CAPN15: variants seen among roughly 807,000 people sequenced by gnomAD.
CAPN15 encodes the protein calpain 15, also known as calpain-15.
CAPN15 carries 53 observed loss-of-function variants against 97.9 expected under a neutral mutation model. That is an observed-to-expected ratio of 0.54 (90% CI 0.43 to 0.68). CAPN15 has a LOEUF of 0.68. Among genes scored for constraint, CAPN15 ranks in the 30% least tolerant of loss-of-function variants. The pLI, the probability that CAPN15 is intolerant of heterozygous loss-of-function variation, is 0.00. For synonymous variants in CAPN15, 922 were observed against 722.5 expected (o/e 1.28, Z -4.43); for missense variants, 1,592 against 1,589.8 (o/e 1.00, Z -0.02).
Position 527,867 on chromosome 16 carries a change from G to C in CAPN15, c.-352G>C. On this transcript the variant is annotated 5_prime_UTR_variant, in exon 1 of 14. Coordinates refer to ENST00000219611, the MANE Select transcript of CAPN15 (RefSeq NM_005632.3). ...AGCCGGGTCGGGGCGCCCCGCGGCT[G>C]AGGAGCGGGAGGCCGTCCGGGCAGC... 6.8e-6 allele frequency: 1 copy of C among 146,844 alleles called. No homozygotes were observed. Among genetic ancestry groups the C allele is most frequent in the Non-Finnish European group, 1.5e-5 (1 of 65,912 alleles). The allele number at this position is 146,844 out of a possible 1,614,324, so 9.1% of individuals were successfully genotyped here.
intron 1 of CAPN15, among the ~76,000 whole-genome samples, chr16:531,271 T>G (rs1725810624): frequency 6.6e-6 from 1 of 152,172 alleles, no homozygotes; most frequent in African/African-American, 2.4e-5. Flanking sequence ...CAATCATAGC[T>G]CGCTGCAGCC....
intron 1 of CAPN15, 71 bp from the exon 2 acceptor site, chr16:533,875 G>A: frequency 1.3e-6 from 1 of 767,864 alleles, no homozygotes; most frequent in Non-Finnish European, 1.6e-6. Flanking sequence ...CTGGAGGCGG[G>A]GCTCTGTGTT....
rs1383928205 is a variant in CAPN15 at position 533,999 on chromosome 16, G to A, written c.-137+1G>A. 1 of 985,218 alleles carries A rather than the reference G, an allele frequency of 1.0e-6. No individual in the cohort carries two copies. The highest frequency in any genetic ancestry group is 1.2e-6 in the Non-Finnish European group (1 of 829,838). 61.0% of individuals were successfully genotyped at this position (985,218 alleles called of 1,614,324 possible). A position where few individuals can be genotyped will look rare whatever the true frequency, so the allele number is the denominator to read the frequency against. ...GCCTGGGAGCTTGCTGCAGCTTCAG[G>A]TGAGTTTGTTCCCAAGCCCTGCGGC... On this transcript the variant is annotated splice_donor_variant, in intron 2 of 13. Transcript: ENST00000219611. LOFTEE classifies it low-confidence loss of function (5UTR_SPLICE).
chr16:527,742 G>T lies in CAPN15; in HGVS notation c.-477G>T, dbSNP rs1156637053. Reference sequence around the variant, plus strand: ...CCGGGCGCGCGATTCACAGCGCCGCGTGCGCCCCGGGCGCGCCGTAGCCGC... The same window carrying T: ...CCGGGCGCGCGATTCACAGCGCCGCTTGCGCCCCGGGCGCGCCGTAGCCGC... On this transcript the variant is annotated 5_prime_UTR_variant, in exon 1 of 14. Transcript: ENST00000219611. 1.3e-5 allele frequency: 2 copies of T among 150,570 alleles called. No individual in the cohort carries two copies. The highest frequency in any genetic ancestry group is 1.5e-5 in the Non-Finnish European group (1 of 67,424). 9.3% of individuals were successfully genotyped at this position (150,570 alleles called of 1,614,324 possible).
At chr16:534,081 G>A (rs1397015338) in intron 2 of CAPN15, 83 bp downstream of exon 2, 21 of 668,956 alleles carry the variant, frequency 3.1e-5, no homozygotes, top group Middle Eastern at 7.4e-4. Flanking sequence ...GGGTTGGAGT[G>A]CCCACGGCTG....
At chr16:544,278 G>A (rs1326025243) in intron 3 of CAPN15, among the ~76,000 whole-genome samples, 2 of 152,028 alleles carry the variant, frequency 1.3e-5, no homozygotes, top group Non-Finnish European at 2.9e-5. Context: ...TGGCACCCCG[G>A]TGTGCCCCGA....
intron 3 of CAPN15, among the ~76,000 whole-genome samples, chr16:543,818 G>A (rs749688702): frequency 7.2e-5 from 11 of 152,140 alleles, no homozygotes; most frequent in East Asian, 5.8e-4. Context: ...CAGCCCTGGC[G>A]TTTACTGAAG....
At chr16:550,248 C>T (rs562195428) in intron 7 of CAPN15, among the ~76,000 whole-genome samples, 42 of 152,342 alleles carry the variant, frequency 2.8e-4, no homozygotes, top group South Asian at 6.2e-4. Flanking sequence ...CGGAGTGCCC[C>T]GGTGCGAGCA....
chr16:552,165 G>A lies in CAPN15; in HGVS notation c.2460G>A (p.Val820=). The A allele has an allele frequency of 1.9e-6, 3 of 1,543,260 alleles. No homozygotes were observed. The highest frequency in any genetic ancestry group is 2.6e-6 in the Non-Finnish European group (3 of 1,143,354). Residue 820 remains valine (V), a synonymous_variant, in exon 10 of 14, where the codon GTG becomes GTA. Coordinates refer to ENST00000219611, the MANE Select transcript of CAPN15 (RefSeq NM_005632.3). This position sits in a 1 kb window ranked among gnomAD's most constrained non-coding sequence, Gnocchi z 6.4. ...SAPVGVTALT[V]LERASLEFAL... The stretch of plus-strand genomic sequence containing the variant: ...CCGTGGGGGTAACAGCGCTCACGGT[G>A]CTGGAGCGGGCCTCGCTGGAGTTCG...
chr16:530,300 C>T (rs995995961), intron 1 of CAPN15, among the ~76,000 whole-genome samples: 6 of 152,228 alleles, frequency 3.9e-5, no homozygotes, highest in South Asian at 4.1e-4. Flanking sequence ...TCTTGGTAGG[C>T]CTAGTGTCTA....
chr16:533,949 G>C lies in CAPN15; in HGVS notation c.-186G>C, dbSNP rs921422040. On this transcript the variant is annotated 5_prime_UTR_variant, in exon 2 of 14. Transcript: ENST00000219611. ...GATTAAATGCCTCCCTTTCTAGGCA[G>C]CAGCCCAGACGCGGCACAGAGAGGG... 4 of 985,448 alleles carry C rather than the reference G, an allele frequency of 4.1e-6. No individual in the cohort carries two copies. In the African/African-American group the frequency reaches 5.2e-5, roughly 13 times the overall value. 61.0% of individuals were successfully genotyped at this position (985,448 alleles called of 1,614,324 possible).
rs1258412884 is a variant in CAPN15 at position 552,433 on chromosome 16, C to T, written c.2640C>T (p.Val880=). The part of the protein sequence containing the change: ...AHSKRAVKKF[V]SCDVMLEPGE... Reference sequence around the variant, plus strand: ...GTAAGCGCGCGGTCAAGAAGTTCGTCAGCTGCGACGTCATGCTGGAGCCTG... The same window carrying T: ...GTAAGCGCGCGGTCAAGAAGTTCGTTAGCTGCGACGTCATGCTGGAGCCTG... The change falls in exon 11 of 14, where the codon GTC becomes GTT. Residue 880 remains valine, a synonymous_variant. Coordinates refer to ENST00000219611, the MANE Select transcript of CAPN15 (RefSeq NM_005632.3). This position sits in a 1 kb window ranked among gnomAD's most constrained non-coding sequence, Gnocchi z 6.4. The T allele has an allele frequency of 5.0e-6, 8 of 1,610,184 alleles. No homozygotes were observed. Among genetic ancestry groups the T allele is most frequent in the Admixed American group, 1.7e-5 (1 of 59,980 alleles).
intron 7 of CAPN15, 142 bp from the exon 8 acceptor site, chr16:551,160 G>T: frequency 4.6e-6 from 6 of 1,305,386 alleles, no homozygotes; most frequent in Non-Finnish European, 6.0e-6. Flanking sequence ...AGGGCGCCCC[G>T]TCGGTGAGGG....
At position 552,857 on chromosome 16, in the gene CAPN15, G is replaced by T. The variant is rs1175273803; in HGVS notation, c.2905-6G>T. The T allele has an allele frequency of 1.3e-6, 2 of 1,594,378 alleles. No homozygotes were observed. Among genetic ancestry groups the T allele is most frequent in the Non-Finnish European group, 8.6e-7 (1 of 1,168,674 alleles). ...CCTGCCCCACAACTGCCATTCCTGT[G>T]CCCAGGGCCGTGAGGGCATGACCTG... On this transcript the variant is annotated splice_polypyrimidine_tract_variant and splice_region_variant and intron_variant, in intron 12 of 13. Coordinates refer to ENST00000219611, the MANE Select transcript of CAPN15 (RefSeq NM_005632.3). The surrounding 1 kb of genome is among the most constrained non-coding windows in gnomAD (Gnocchi z 6.4).
chr16:534,089 C>A, intron 2 of CAPN15, 91 bp downstream of exon 2: 1 of 478,004 alleles, frequency 2.1e-6, no homozygotes, highest in Non-Finnish European at 2.4e-6. Context: ...GTGCCCACGG[C>A]TGGGGGGCCT....
At position 540,177 on chromosome 16, in the gene CAPN15, C is replaced by T. The variant is rs955087362; in HGVS notation, c.-23+4035C>T. ...CAGGTCCGGCTCTCAGCACGGCCGC[C>T]GGCCGGGGGGCCATGGGGAGCTCCG... is the stretch of plus-strand genomic sequence containing the variant. On this transcript the variant is annotated intron_variant, in intron 3 of 13. Coordinates refer to ENST00000219611, the MANE Select transcript of CAPN15 (RefSeq NM_005632.3). The T allele has an allele frequency of 9.8e-5, 97 of 985,270 alleles. 1 individual carries two copies. The highest frequency in any genetic ancestry group is 1.1e-4 in the East Asian group (1 of 8,800). The allele number at this position is 985,270 out of a possible 1,614,324, so 61.0% of individuals were successfully genotyped here.
In CAPN15 at chr16:549,385, C is replaced by T; in HGVS notation, c.1756C>T (p.Arg586Trp). ...SLCAEGAYQV[R>W]LCKDGTWTTV... is the part of the protein sequence containing the mutation. The stretch of plus-strand genomic sequence containing the variant: ...GTGTGCAGAGGGCGCCTACCAGGTG[C>T]GGCTGTGCAAGGACGGCACGTGGAC... Residue 586 changes from arginine (R) to tryptophan (W), a missense_variant, in exon 6 of 14, where the codon CGG becomes TGG. Physicochemically the swap from Arg to Trp is moderately radical, Grantham distance 101. Coordinates refer to ENST00000219611, the MANE Select transcript of CAPN15 (RefSeq NM_005632.3). 2 of 1,598,884 alleles carry T rather than the reference C, an allele frequency of 1.3e-6. No homozygotes were observed. The highest frequency in any genetic ancestry group is 1.7e-6 in the Non-Finnish European group (2 of 1,178,640).
intron 1 of CAPN15, among the ~76,000 whole-genome samples, chr16:529,423 A>C (rs1015259211): frequency 1.3e-5 from 2 of 152,144 alleles, no homozygotes; most frequent in Non-Finnish European, 2.9e-5. Context: ...CGGTAACCCC[A>C]GTGCCACAGG....
rs190813599 is a variant in CAPN15, at chr16:552,907, G to A, written c.2949G>A (p.Ala983=). The A allele has an allele frequency of 2.5e-4, 395 of 1,611,220 alleles. 1 individual carries two copies. In the Middle Eastern group the frequency reaches 3.3e-3, roughly 13 times the overall value. The change falls in exon 13 of 14, where the codon GCG becomes GCA. Residue 983 remains alanine (A), a synonymous_variant. Coordinates refer to ENST00000219611, the MANE Select transcript of CAPN15 (RefSeq NM_005632.3). This position sits in a 1 kb window ranked among gnomAD's most constrained non-coding sequence, Gnocchi z 6.4. ...MTCYYLTHGW[A]GLIVVVENRH... is the part of the protein sequence containing the mutation. ...GCTACTACCTGACACACGGTTGGGC[G>A]GGGCTCATCGTGGTGGTGGAGAACC... is the stretch of plus-strand genomic sequence containing the variant.
Sources: gnomAD v4.1 joint callset for allele counts (sites outside exome capture counted in the v4.1 genomes callset) on GRCh38, gnomAD v4.1.1 for gene constraint, Gnocchi (gnomAD v3.1) non-coding constraint, MANE v1.5 for transcripts, NCBI Gene and HGNC (gene_info 2026-07-23, HGNC 2026-07-21) for gene names.